Variants in WDR70 observed in about 807,000 individuals in gnomAD.
WDR70 encodes the protein WD repeat domain 70, also known as WD repeat-containing protein 70.
A neutral mutation model predicts 88.6 loss-of-function variants in WDR70; 53 were observed. That is an observed-to-expected ratio of 0.60 (90% confidence interval 0.48 to 0.75). The LOEUF (loss-of-function observed/expected upper bound fraction) is 0.75, where lower values mean the gene tolerates loss of function less well. Ranked by LOEUF, WDR70 falls within the 30% of genes least tolerant of loss-of-function variation. The pLI is 0.00. For synonymous variants in WDR70, 280 were observed against 270.0 expected, an observed-to-expected ratio of 1.04 and a Z score of -0.36; for missense variants, 610 against 823.2, an observed-to-expected ratio of 0.74 and a Z score of 3.17.
chr5:37,533,205 G>T (rs1303401284), intron 9 of WDR70, among the ~76,000 whole-genome samples: 2 of 152,324 alleles, frequency 1.3e-5, no homozygotes, highest in East Asian at 3.9e-4. Flanking sequence ...CCTTGGTTGT[G>T]TTTTTGTTTG....
intron 8 of WDR70, 67 bp from the exon 9 acceptor site, chr5:37,516,447 G>C (rs1407814334): frequency 7.6e-6 from 7 of 920,056 alleles, no homozygotes; most frequent in South Asian, 5.2e-5. Context: ...TGACATGTCA[G>C]TTTCTAGTCA....
intron 7 of WDR70, among the ~76,000 whole-genome samples, chr5:37,463,000 G>C (rs1051149463): frequency 2.0e-5 from 3 of 152,132 alleles, no homozygotes; most frequent in Non-Finnish European, 4.4e-5. Context: ...AAGGCCAGGC[G>C]TGGTGGCTCA....
chr5:37,728,847 GTTA>G (rs1748062308), intron 17 of WDR70, among the ~76,000 whole-genome samples: 1 of 152,098 alleles, frequency 6.6e-6, no homozygotes, highest in East Asian at 1.9e-4. Context: ...GCCTATAACA[GTTA>G]TTACTATGGT....
At position 37,595,083 on chromosome 5, in the gene WDR70, C is replaced by T. The variant is rs1034550030; in HGVS notation, c.918-9981C>T. ...TCTAAATATGCAATCATGTCATCTG[C>T]GAACAGGGACAATTTGACTTCCTCT... is the stretch of plus-strand genomic sequence containing the variant. On this transcript the variant is annotated intron_variant, in intron 9 of 17. Coordinates refer to ENST00000265107, the MANE Select transcript of WDR70 (RefSeq NM_018034.4). Among the ~76,000 whole-genome samples, 11 of 152,248 alleles carry T rather than the reference C, an allele frequency of 7.2e-5. No individual in the cohort carries two copies. The East Asian group carries it at 1.9e-3, about 27-fold the overall frequency.
chr5:37,686,976 A>G (rs1467229239), intron 10 of WDR70, among the ~76,000 whole-genome samples: 1 of 150,804 alleles, frequency 6.6e-6, no homozygotes, highest in Non-Finnish European at 1.5e-5. Flanking sequence ...TAATAATAAT[A>G]ATAATAATAA....
intron 9 of WDR70, among the ~76,000 whole-genome samples, chr5:37,591,203 C>T (rs1248050483): frequency 5.3e-5 from 8 of 152,090 alleles, no homozygotes; most frequent in African/African-American, 1.7e-4. Flanking sequence ...CATAGTGGCT[C>T]GTGCCTGTAA....
intron 13 of WDR70, among the ~76,000 whole-genome samples, chr5:37,715,753 GA>G (rs112076958): frequency 2.2e-4 from 33 of 152,324 alleles, no homozygotes; most frequent in African/African-American, 7.5e-4. Flanking sequence ...TTTTAATATA[GA>G]AAACAGTTTT....
chr5:37,702,851 G>C (rs1747203956), intron 12 of WDR70, 98 bp from the exon 13 acceptor site: 5 of 1,254,910 alleles, frequency 4.0e-6, no homozygotes, highest in Non-Finnish European at 5.5e-6. Context: ...CCCTATATAG[G>C]AGTTACAGAG....
intron 9 of WDR70, among the ~76,000 whole-genome samples, chr5:37,519,540 G>A (rs78443652): frequency 7.8e-6 from 1 of 127,594 alleles, no homozygotes; most frequent in African/African-American, 3.0e-5. Flanking sequence ...ACGGGGCGGC[G>A]GGGCGGAGGC....
intron 9 of WDR70, among the ~76,000 whole-genome samples, chr5:37,553,287 G>A (rs1008891240): frequency 2.6e-5 from 4 of 152,128 alleles, no homozygotes; most frequent in African/African-American, 7.2e-5. Flanking sequence ...ATTTAGGGGT[G>A]GAGTTAGGGA....
chr5:37,735,281 T>C (rs1748269354), intron 17 of WDR70, among the ~76,000 whole-genome samples: 1 of 152,176 alleles, frequency 6.6e-6, no homozygotes, highest in Non-Finnish European at 1.5e-5. Flanking sequence ...TATCTAAAGA[T>C]ATTTTTCTGC....
intron 8 of WDR70, among the ~76,000 whole-genome samples, chr5:37,510,677 C>G (rs1740697769): frequency 6.6e-6 from 1 of 152,166 alleles, no homozygotes; most frequent in African/African-American, 2.4e-5. Context: ...ATTATCTCAA[C>G]AATCTGTATA....
intron 7 of WDR70, among the ~76,000 whole-genome samples, chr5:37,470,080 A>G (rs1739277861): frequency 6.6e-6 from 1 of 152,038 alleles, no homozygotes; most frequent in Non-Finnish European, 1.5e-5. Flanking sequence ...AATTTTTCAC[A>G]TTATTAAAAA....
At chr5:37,381,836 C>G in intron 3 of WDR70, 151 bp downstream of exon 3, 1 of 565,620 alleles carries the variant, frequency 1.8e-6, no homozygotes, top group Non-Finnish European at 3.0e-6. Context: ...GGCAGATCAC[C>G]TGAGGTCAGA....
intron 9 of WDR70, among the ~76,000 whole-genome samples, chr5:37,591,351 T>C (rs1743527158): frequency 6.6e-6 from 1 of 152,188 alleles, no homozygotes; most frequent in African/African-American, 2.4e-5. Context: ...GACACCGATA[T>C]CTTGAATGAA....
chr5:37,593,327 GC>G (rs1440608823), intron 9 of WDR70, among the ~76,000 whole-genome samples: 2 of 151,930 alleles, frequency 1.3e-5, no homozygotes, highest in Admixed American at 1.3e-4. Flanking sequence ...CCCTCAACAG[GC>G]CCCAGGATGT....
intron 9 of WDR70, among the ~76,000 whole-genome samples, chr5:37,584,352 G>T (rs1336392806): frequency 6.6e-6 from 1 of 152,108 alleles, no homozygotes; most frequent in Non-Finnish European, 1.5e-5. Context: ...CAAGAGTTCT[G>T]TTGTAGATTA....
At chr5:37,668,919 G>T (rs1043567620) in intron 10 of WDR70, among the ~76,000 whole-genome samples, 1 of 152,188 alleles carries the variant, frequency 6.6e-6, no homozygotes, top group Non-Finnish European at 1.5e-5. Context: ...AGTGAACCTG[G>T]ACTGAAAGTA....
intron 9 of WDR70, among the ~76,000 whole-genome samples, chr5:37,565,884 A>G (rs919607794): frequency 6.6e-6 from 1 of 152,106 alleles, no homozygotes; most frequent in Non-Finnish European, 1.5e-5. Context: ...TTAGATATGG[A>G]ATCAGTACTT....
Sources: allele counts gnomAD v4.1 joint callset (sites outside exome capture counted in the v4.1 genomes callset), GRCh38; gene constraint gnomAD v4.1.1; transcripts MANE v1.5; gene names NCBI Gene and HGNC (gene_info 2026-07-23, HGNC 2026-07-21).